Variants in EYA4 observed in about 807,000 individuals in gnomAD.
The protein encoded by EYA4 is protein phosphatase EYA4.
Under a neutral mutation model 87.9 loss-of-function variants are expected in EYA4, and 31 were observed. The observed-to-expected ratio is 0.35, with a 90% CI of 0.27 to 0.48. The LOEUF is 0.48. Among genes scored for constraint, EYA4 ranks in the 20% least tolerant of loss-of-function variants. The pLI is 0.99. For missense variants in EYA4, 678 were observed against 761.4 expected, an observed-to-expected ratio of 0.89 and a Z score of 1.29; for synonymous variants, 263 against 270.6, an observed-to-expected ratio of 0.97 and a Z score of 0.28.
intron 3 of EYA4, among the ~76,000 whole-genome samples, chr6:133,422,807 T>C (rs769095944): frequency 3.1e-4 from 47 of 152,196 alleles, no homozygotes; most frequent in Admixed American, 9.2e-4. Flanking sequence ...CCCTAGTCTT[T>C]AGTTCCCTCA....
At chr6:133,296,069 T>G (rs1223588193) in intron 2 of EYA4, among the ~76,000 whole-genome samples, 2 of 152,030 alleles carry the variant, frequency 1.3e-5, no homozygotes, top group African/African-American at 4.8e-5. Flanking sequence ...AAAACTGACA[T>G]TTGAGCACAG....
intron 3 of EYA4, among the ~76,000 whole-genome samples, chr6:133,430,961 A>C (rs1193623615): frequency 2.0e-5 from 3 of 152,204 alleles, no homozygotes; most frequent in Non-Finnish European, 1.5e-5. Context: ...GAGAGCAGGA[A>C]GGGAATCTCT....
intron 13 of EYA4, among the ~76,000 whole-genome samples, chr6:133,487,751 C>T (rs1049790851): frequency 7.9e-5 from 12 of 152,136 alleles, no homozygotes; most frequent in African/African-American, 2.7e-4. Context: ...TTGCCGCAGG[C>T]CTTGGGTGAG....
At chr6:133,377,509 A>C (rs1785795915) in intron 2 of EYA4, among the ~76,000 whole-genome samples, 1 of 151,572 alleles carries the variant, frequency 6.6e-6, no homozygotes. Context: ...TGAATGAGCA[A>C]ATCTTGATAT....
chr6:133,486,783 A>C (rs1397676549), intron 13 of EYA4, among the ~76,000 whole-genome samples: 1 of 152,148 alleles, frequency 6.6e-6, no homozygotes, highest in African/African-American at 2.4e-5. Flanking sequence ...AAGGTTGTAA[A>C]CAAGAGAAAG....
intron 3 of EYA4, among the ~76,000 whole-genome samples, chr6:133,436,515 A>G (rs1791698173): frequency 6.6e-6 from 1 of 152,236 alleles, no homozygotes; most frequent in Admixed American, 6.5e-5. Flanking sequence ...AAAATTCATG[A>G]ACAAATTAGA....
rs1044833545 is a variant in EYA4, at chr6:133,241,501, C to G, written c.-314C>G. On this transcript the variant is annotated 5_prime_UTR_variant, in exon 1 of 20. Transcript: ENST00000355286. ...TTCTCCTTTCCCCCCTGTCGCAGTC[C>G]GGAGTTTTGGCTCCTCTCCTTTCCT... 6.6e-5 allele frequency: 10 copies of G among 152,188 alleles called. No individual in the cohort carries two copies. Among genetic ancestry groups the G allele is most frequent in the Non-Finnish European group, 1.3e-4 (9 of 68,114 alleles). The allele number at this position is 152,188 out of a possible 1,614,324, so 9.4% of individuals were successfully genotyped here.
At chr6:133,334,180 C>T (rs296417) in intron 2 of EYA4, among the ~76,000 whole-genome samples, 1 of 152,000 alleles carries the variant, frequency 6.6e-6, no homozygotes, top group African/African-American at 2.4e-5. Flanking sequence ...ACTTACAAGA[C>T]AACAGAAATT....
At chr6:133,407,333 G>C (rs1009135636) in intron 3 of EYA4, among the ~76,000 whole-genome samples, 1 of 145,434 alleles carries the variant, frequency 6.9e-6, no homozygotes, top group African/African-American at 2.6e-5. Flanking sequence ...CTGGGAATTT[G>C]TAGTGTTTCT....
intron 13 of EYA4, among the ~76,000 whole-genome samples, chr6:133,501,292 T>G (rs1272132099): frequency 6.6e-6 from 1 of 152,096 alleles, no homozygotes; most frequent in Admixed American, 6.6e-5. Flanking sequence ...TGTTTTCTTG[T>G]CTGTTTATCA....
intron 13 of EYA4, among the ~76,000 whole-genome samples, chr6:133,485,875 T>A (rs145984977): frequency 6.6e-6 from 1 of 152,354 alleles, no homozygotes; most frequent in East Asian, 1.9e-4. Flanking sequence ...ATAGGATACC[T>A]GTCCTGTGGT....
At chr6:133,282,840 T>C (rs554318738) in intron 2 of EYA4, among the ~76,000 whole-genome samples, 1 of 152,330 alleles carries the variant, frequency 6.6e-6, no homozygotes, top group Non-Finnish European at 1.5e-5. Flanking sequence ...GCCTCATAAC[T>C]GCTAATTCTG....
chr6:133,377,932 G>T (rs982893479), intron 2 of EYA4, among the ~76,000 whole-genome samples: 1 of 151,190 alleles, frequency 6.6e-6, no homozygotes, highest in African/African-American at 2.4e-5. Flanking sequence ...CACTAATATT[G>T]TATACTTTAA....
At chr6:133,369,903 G>A (rs1017952867) in intron 2 of EYA4, among the ~76,000 whole-genome samples, 11 of 144,420 alleles carry the variant, frequency 7.6e-5, no homozygotes, top group South Asian at 2.3e-4. Flanking sequence ...AATGCCCTAC[G>A]TTAGATTTCA....
Position 133,408,267 on chromosome 6 carries a change from C to A in EYA4, c.83+25826C>A, listed in dbSNP as rs149749731. Among the ~76,000 whole-genome samples, 757 of 152,288 alleles carry A rather than the reference C, an allele frequency of 5.0e-3. 5 individuals are homozygous for A. The highest frequency in any genetic ancestry group is 0.02 in the Middle Eastern group (6 of 294). On this transcript the variant is annotated intron_variant, in intron 3 of 19. Transcript: ENST00000355286. ...GTGAAAAGCTAGGAAGATACTCCTC[C>A]TCTGAGGGAGACATCTGGCTTCTTG...
At chr6:133,357,283 A>AC (rs1178491364) in intron 2 of EYA4, among the ~76,000 whole-genome samples, 1 of 151,064 alleles carries the variant, frequency 6.6e-6, no homozygotes, top group Non-Finnish European at 1.5e-5. Flanking sequence ...AAAAAAAAAA[A>AC]AAAAAAAAAA....
intron 1 of EYA4, among the ~76,000 whole-genome samples, chr6:133,265,343 T>G (rs2128248321): frequency 6.6e-6 from 1 of 152,070 alleles, no homozygotes; most frequent in Non-Finnish European, 1.5e-5. Flanking sequence ...TAATACTGTT[T>G]GAAATTCATA....
At chr6:133,423,868 G>A (rs182786913) in intron 3 of EYA4, among the ~76,000 whole-genome samples, 2 of 152,184 alleles carry the variant, frequency 1.3e-5, no homozygotes, top group Admixed American at 6.5e-5. Context: ...TGACCGTGGC[G>A]CCTTTACCCA....
chr6:133,387,114 TTATC>T (rs1224737734), intron 3 of EYA4, among the ~76,000 whole-genome samples: 1 of 152,210 alleles, frequency 6.6e-6, no homozygotes, highest in Non-Finnish European at 1.5e-5. Flanking sequence ...CTCAGGGAGT[TTATC>T]TATTCAATGT....
Sources: gnomAD v4.1 joint callset for allele counts (sites outside exome capture counted in the v4.1 genomes callset) on GRCh38, gnomAD v4.1.1 for gene constraint, MANE v1.5 for transcripts, NCBI Gene and HGNC (gene_info 2026-07-23, HGNC 2026-07-21) for gene names.